TANGO6: variants seen among roughly 807,000 people sequenced by gnomAD.
TANGO6 encodes the protein transport and golgi organization 6 homolog, also known as transport and Golgi organization protein 6 homolog.
Under a neutral mutation model 114.2 loss-of-function variants are expected in TANGO6, and 90 were observed. The observed-to-expected ratio is 0.79, with a 90% CI of 0.66 to 0.94. The LOEUF (loss-of-function observed/expected upper bound fraction) is 0.94. Ranked by LOEUF, TANGO6 falls within the 40% of genes least tolerant of loss-of-function variation. The probability of loss-of-function intolerance (pLI) is 0.00; values close to 1 mark genes in which losing one functional copy is unlikely to be tolerated. For synonymous variants in TANGO6, 477 were observed against 509.8 expected (o/e 0.94, Z 0.87); for missense variants, 1,274 against 1,315.3 (o/e 0.97, Z 0.49).
chr16:69,076,088 CTTTTTTTTT>C (rs34844519), intron 17 of TANGO6, among the ~76,000 whole-genome samples: 1 of 85,684 alleles, frequency 1.2e-5, no homozygotes, highest in Non-Finnish European at 2.1e-5. Flanking sequence ...TATTTCATTT[CTTTTTTTTT>C]TTTTTTTTTT....
intron 15 of TANGO6, among the ~76,000 whole-genome samples, chr16:68,984,254 C>G (rs1963870892): frequency 6.6e-6 from 1 of 152,042 alleles, no homozygotes; most frequent in South Asian, 2.1e-4. Flanking sequence ...CATCAAAACT[C>G]AGGATCAAAT....
intron 15 of TANGO6, among the ~76,000 whole-genome samples, chr16:69,009,832 C>T (rs1463111291): frequency 6.6e-6 from 1 of 152,150 alleles, no homozygotes; most frequent in Non-Finnish European, 1.5e-5. Flanking sequence ...ATATTCATTG[C>T]TAACCTGAAT....
chr16:68,945,153 G>A (rs1367264283), intron 14 of TANGO6, among the ~76,000 whole-genome samples: 1 of 152,058 alleles, frequency 6.6e-6, no homozygotes, highest in African/African-American at 2.4e-5. Context: ...AAACAAAAAA[G>A]AAGAAGAAGA....
intron 15 of TANGO6, among the ~76,000 whole-genome samples, chr16:69,002,934 C>T (rs1431415154): frequency 6.6e-6 from 1 of 151,570 alleles, no homozygotes; most frequent in African/African-American, 2.4e-5. Context: ...CCCAGCTACT[C>T]GGGAGGCTGA....
chr16:68,910,895 T>C (rs991060966), intron 11 of TANGO6, among the ~76,000 whole-genome samples: 2 of 152,168 alleles, frequency 1.3e-5, no homozygotes, highest in African/African-American at 4.8e-5. Flanking sequence ...CAGGCTGATC[T>C]TGAACTCCTG....
chr16:68,899,800 T>C (rs759141843), intron 7 of TANGO6, among the ~76,000 whole-genome samples: 1 of 152,100 alleles, frequency 6.6e-6, no homozygotes, highest in Non-Finnish European at 1.5e-5. Context: ...GGGGTCTTAC[T>C]ATGTTGCCCA....
chr16:68,947,315 A>G (rs1006066383), intron 14 of TANGO6, among the ~76,000 whole-genome samples: 1 of 151,990 alleles, frequency 6.6e-6, no homozygotes, highest in African/African-American at 2.4e-5. Context: ...TTGGCCAGGC[A>G]TGGTGGTGTG....
chr16:68,969,689 CAA>C (rs67855533), intron 14 of TANGO6, among the ~76,000 whole-genome samples: 15 of 115,258 alleles, frequency 1.3e-4, no homozygotes, highest in African/African-American at 1.9e-4. Context: ...ATAGGAAAAG[CAA>C]AAAAAAAAAA....
intron 7 of TANGO6, among the ~76,000 whole-genome samples, chr16:68,899,506 T>A (rs1234625271): frequency 7.6e-6 from 1 of 131,626 alleles, no homozygotes; most frequent in Admixed American, 7.4e-5. Flanking sequence ...CCTCACACAC[T>A]TTTTTTTTTT....
intron 6 of TANGO6, among the ~76,000 whole-genome samples, chr16:68,878,808 C>T (rs1184251668): frequency 2.0e-5 from 3 of 151,898 alleles, no homozygotes; most frequent in African/African-American, 7.3e-5. Flanking sequence ...CGTGGTGGCT[C>T]ATGCTTGTAA....
intron 17 of TANGO6, among the ~76,000 whole-genome samples, chr16:69,061,568 A>G (rs1960116316): frequency 2.0e-5 from 3 of 151,908 alleles, no homozygotes; most frequent in Admixed American, 6.6e-5. Flanking sequence ...CAAAAAAGTC[A>G]TCTTCCCATT....
At chr16:68,844,025 T>C (rs997329967) in intron 1 of TANGO6, among the ~76,000 whole-genome samples, 3 of 152,070 alleles carry the variant, frequency 2.0e-5, no homozygotes, top group African/African-American at 7.2e-5. Flanking sequence ...GGGAGGGGGA[T>C]ATGGACCCAG....
chr16:69,041,093 A>G (rs1468116507), intron 17 of TANGO6, among the ~76,000 whole-genome samples: 1 of 152,098 alleles, frequency 6.6e-6, no homozygotes, highest in Non-Finnish European at 1.5e-5. Flanking sequence ...AGTATCCACA[A>G]TGCTCATCTG....
In TANGO6 at chr16:68,917,541, G is replaced by A. The variant is rs137988044; in HGVS notation, c.1993-1544G>A. ...CCAGCAGCAATGAATGAATGAGAGA[G>A]CTCCTGTTGATCTCCATCCTCACCA... is the stretch of plus-strand genomic sequence containing the variant. On this transcript the variant is annotated intron_variant, in intron 11 of 17. Coordinates refer to ENST00000261778, the MANE Select transcript of TANGO6 (RefSeq NM_024562.2). Among the ~76,000 whole-genome samples, 54 of 152,258 alleles carry A rather than the reference G, an allele frequency of 3.5e-4. No homozygotes were observed. In the East Asian group the frequency reaches 9.9e-3, roughly 28 times the overall value.
intron 17 of TANGO6, among the ~76,000 whole-genome samples, chr16:69,079,950 G>C (rs1421318294): frequency 1.3e-5 from 2 of 152,238 alleles, no homozygotes; most frequent in African/African-American, 4.8e-5. Flanking sequence ...ACTGGGCACA[G>C]TGGCTTATGC....
chr16:68,883,438 T>C (rs760900537), intron 7 of TANGO6, among the ~76,000 whole-genome samples: 19 of 152,266 alleles, frequency 1.2e-4, no homozygotes, highest in Non-Finnish European at 2.4e-4. Context: ...TTGGCTTTTT[T>C]CACTTTGCAT....
chr16:68,975,200 A>G (rs117745253), intron 15 of TANGO6, among the ~76,000 whole-genome samples: 3,246 of 152,314 alleles, frequency 0.021, 56 homozygotes, highest in Non-Finnish European at 0.03. Flanking sequence ...TGTTTTACAG[A>G]TGAAGAAACT....
intron 14 of TANGO6, among the ~76,000 whole-genome samples, chr16:68,972,447 T>C (rs7198408): frequency 0.15 from 23,427 of 152,146 alleles, 2,563 homozygotes; most frequent in African/African-American, 0.3. Context: ...GAATGGTAAA[T>C]TTAGATGAAA....
At chr16:68,891,349 A>C (rs112835647) in intron 7 of TANGO6, among the ~76,000 whole-genome samples, 15,240 of 151,006 alleles carry the variant, frequency 0.1, 866 homozygotes, top group African/African-American at 0.16. Flanking sequence ...AATCCCAGCT[A>C]CTCGGGTGGA....
Sources: gnomAD v4.1 joint callset for allele counts (sites outside exome capture counted in the v4.1 genomes callset) on GRCh38, gnomAD v4.1.1 for gene constraint, MANE v1.5 for transcripts, NCBI Gene and HGNC (gene_info 2026-07-23, HGNC 2026-07-21) for gene names.